Variants in BANP observed in about 807,000 individuals in gnomAD.
BANP encodes protein BANP.
In BANP, 11 loss-of-function variants were observed where a neutral mutation model predicts 68.1. The observed-to-expected ratio is 0.16, with a 90% CI of 0.10 to 0.27. The LOEUF is 0.27. Ranked by LOEUF, BANP falls within the 10% of genes least tolerant of loss-of-function variation. BANP has a pLI of 1.00. For synonymous variants in BANP, 329 were observed against 303.2 expected, an observed-to-expected ratio of 1.09 and a Z score of -0.88; for missense variants, 504 against 722.7, an observed-to-expected ratio of 0.70 and a Z score of 3.47.
intron 13 of BANP, among the ~76,000 whole-genome samples, chr16:88,076,333 C>G (rs1427314561): frequency 7.8e-6 from 1 of 127,638 alleles, no homozygotes; most frequent in Non-Finnish European, 1.7e-5. Flanking sequence ...GCCCCGGTGA[C>G]GGAGTCCATG....
intron 1 of BANP, chr16:87,966,659 G>A (rs2060071317): frequency 6.6e-6 from 1 of 152,204 alleles, no homozygotes; most frequent in Non-Finnish European, 1.5e-5. Flanking sequence ...CACTTGCAGA[G>A]CTTTTAGAAA....
rs571351370 is a variant in BANP, at chr16:88,057,886, G to A, written c.1312-7381G>A. Among the ~76,000 whole-genome samples, 31 of 152,250 alleles carry A rather than the reference G, an allele frequency of 2.0e-4. No individual in the cohort carries two copies. Among genetic ancestry groups the A allele is most frequent in the South Asian group, 1.2e-3 (6 of 4,824 alleles). ...GCAGCGAGCACTTTCCGGACAGTGC[G>A]GTGCGGGGCAGCGAGTGGCCGCCTG... On this transcript the variant is annotated intron_variant, in intron 11 of 13. Coordinates refer to ENST00000682872, the MANE Select transcript of BANP (RefSeq NM_001386991.1). This position sits in a 1 kb window ranked among gnomAD's most constrained non-coding sequence, Gnocchi z 4.6.
intron 11 of BANP, among the ~76,000 whole-genome samples, chr16:88,050,854 A>AT (rs148365287): frequency 0.096 from 14,583 of 151,830 alleles, 1,291 homozygotes; most frequent in African/African-American, 0.24. Flanking sequence ...CGACCTGCTA[A>AT]TTTTTTTATT....
At chr16:88,009,107 A>G (rs1236274171) in intron 6 of BANP, among the ~76,000 whole-genome samples, 1 of 152,210 alleles carries the variant, frequency 6.6e-6, no homozygotes, top group East Asian at 1.9e-4. Flanking sequence ...CTTATGTCAG[A>G]TTTAATCTCA....
Position 88,076,694 on chromosome 16 carries a change from GC to G in BANP, c.*34del. 1 of 1,585,996 alleles carries G rather than the reference GC, an allele frequency of 6.3e-7. No homozygotes were observed. Among genetic ancestry groups the G allele is most frequent in the Non-Finnish European group, 8.6e-7 (1 of 1,168,750 alleles). Reference sequence around the variant, plus strand: ...CCATGGCACCAGGAGCCCCTCGCCGGCTCCGCCTACGGCCCGGCCCCCACGC... The same window carrying G: ...CCATGGCACCAGGAGCCCCTCGCCGGTCCGCCTACGGCCCGGCCCCCACGC... On this transcript the variant is annotated 3_prime_UTR_variant, in exon 14 of 14. Transcript: ENST00000682872.
rs372454728 is a variant in BANP, at chr16:88,035,404, C to G, written c.1272+10C>G. 6.2e-5 allele frequency: 100 copies of G among 1,601,934 alleles called. No homozygotes were observed. Among genetic ancestry groups the G allele is most frequent in the Non-Finnish European group, 7.9e-5 (93 of 1,174,520 alleles). ...CACGCAGGACAGCGAGGTGAGTCAGCTCTCGCTGCAGCACTGTCCCTGCAG... is the reference window on the plus strand; with the variant it reads ...CACGCAGGACAGCGAGGTGAGTCAGGTCTCGCTGCAGCACTGTCCCTGCAG... On this transcript the variant is annotated intron_variant, in intron 10 of 13. Coordinates refer to ENST00000682872, the MANE Select transcript of BANP (RefSeq NM_001386991.1).
In BANP at chr16:87,984,248, C is replaced by G; in HGVS notation, c.351C>G (p.Asn117Lys). Residue 117 changes from asparagine to lysine, a missense_variant, in exon 4 of 14, where the codon AAC becomes AAG. Coordinates refer to ENST00000682872, the MANE Select transcript of BANP (RefSeq NM_001386991.1). Reference sequence around the variant, plus strand: ...CTCTCGGGGCAACCCAGACGTGCAACAAAGTGCGATGGTAAGAACAGACCA... The same window carrying G: ...CTCTCGGGGCAACCCAGACGTGCAAGAAAGTGCGATGGTAAGAACAGACCA... ...GSPLGATQTC[N>K]KVRCVVPQTT... The G allele has an allele frequency of 6.3e-7, 1 of 1,588,564 alleles. No homozygotes were observed. The highest frequency in any genetic ancestry group is 8.6e-7 in the Non-Finnish European group (1 of 1,166,230).
chr16:88,063,934 G>A (rs1399183998), intron 11 of BANP, among the ~76,000 whole-genome samples: 2 of 151,924 alleles, frequency 1.3e-5, no homozygotes, highest in Non-Finnish European at 2.9e-5. Context: ...GAAAAGTCAT[G>A]ACTTTCAAAT....
Position 88,004,374 on chromosome 16 carries a change from A to C in BANP, c.442A>C (p.Asn148His), listed in dbSNP as rs2070342519. 9 of 1,547,770 alleles carry C rather than the reference A, an allele frequency of 5.8e-6. No homozygotes were observed. The highest frequency in any genetic ancestry group is 7.9e-6 in the Non-Finnish European group (9 of 1,144,586). The change falls in exon 5 of 14, where the codon AAC (asparagine) becomes CAC (histidine). Residue 148 changes from asparagine to histidine, a missense_variant. By Grantham distance (68) the Asn-to-His change is moderately conservative. Transcript: ENST00000682872. This position sits in a 1 kb window ranked among gnomAD's most constrained non-coding sequence, Gnocchi z 7.0. ...IVAKMEDPLS[N>H]RAPDSLENVI... ...AGCCAAGATGGAAGACCCCTTGAGC[A>C]ACAGGGCACCGGATTCCCTGGAAAA... is the stretch of plus-strand genomic sequence containing the variant.
intron 11 of BANP, among the ~76,000 whole-genome samples, chr16:88,053,399 TCACCAA>T (rs1223095942): frequency 1.4e-4 from 20 of 146,718 alleles, no homozygotes; most frequent in Admixed American, 1.3e-3. Flanking sequence ...ATCATCACCA[TCACCAA>T]CACAACCACC....
chr16:88,019,758 G>A (rs1365477340), intron 7 of BANP, among the ~76,000 whole-genome samples: 1 of 151,978 alleles, frequency 6.6e-6, no homozygotes, highest in Non-Finnish European at 1.5e-5. Context: ...GTTCCAGCAG[G>A]AAAGAGCCTT....
In BANP at chr16:88,004,333, G is replaced by A. The variant is rs749540759; in HGVS notation, c.401G>A (p.Arg134Gln). ...PQTTVILNND[R>Q]QNAIVAKMED... ...ACTACAGTAATACTCAACAATGATC[G>A]GCAGAACGCCATTGTAGCCAAGATG... is the stretch of plus-strand genomic sequence containing the variant. Residue 134 changes from arginine to glutamine, a missense_variant, in exon 5 of 14, where the codon CGG becomes CAG. By Grantham distance (43) the Arg-to-Gln change is conservative. This residue lies in a region of BANP where 238 missense variants were observed against 278.9 expected (regional missense o/e 0.85). Transcript: ENST00000682872. This position sits in a 1 kb window ranked among gnomAD's most constrained non-coding sequence, Gnocchi z 7.0. 9 of 1,549,848 alleles carry A rather than the reference G, an allele frequency of 5.8e-6. No individual in the cohort carries two copies. Among genetic ancestry groups the A allele is most frequent in the South Asian group, 4.8e-5 (4 of 84,028 alleles).
At chr16:87,985,419 T>G (rs1051150908) in intron 4 of BANP, among the ~76,000 whole-genome samples, 1 of 152,254 alleles carries the variant, frequency 6.6e-6, no homozygotes, top group Admixed American at 6.5e-5. Flanking sequence ...AGCAGGAGTT[T>G]GTTTACCGTG....
intron 11 of BANP, among the ~76,000 whole-genome samples, chr16:88,042,404 G>T (rs188267234): frequency 6.6e-6 from 1 of 152,180 alleles, no homozygotes; most frequent in Non-Finnish European, 1.5e-5. Flanking sequence ...CTCCAGGAGC[G>T]CTCACTTCCT....
chr16:88,025,561 G>A (rs1294592554), intron 7 of BANP, among the ~76,000 whole-genome samples: 6 of 152,142 alleles, frequency 3.9e-5, no homozygotes, highest in South Asian at 2.1e-4. Flanking sequence ...AAATCCCACC[G>A]TCCTGACTGG....
At chr16:88,028,479 T>C (rs2077440695) in intron 8 of BANP, among the ~76,000 whole-genome samples, 1 of 152,236 alleles carries the variant, frequency 6.6e-6, no homozygotes, top group South Asian at 2.1e-4. Context: ...TTGGTAGTTA[T>C]CAGATACTCG....
chr16:88,039,114 G>A (rs2080127189), intron 11 of BANP, among the ~76,000 whole-genome samples: 1 of 152,132 alleles, frequency 6.6e-6, no homozygotes, highest in Non-Finnish European at 1.5e-5. Flanking sequence ...TTGGGAGAAG[G>A]GCTGCAGACC....
chr16:88,073,079 C>T (rs531826784), intron 13 of BANP, among the ~76,000 whole-genome samples: 8 of 152,356 alleles, frequency 5.3e-5, no homozygotes, highest in Non-Finnish European at 1.2e-4. Context: ...CCTTTCCCTG[C>T]TCCCCGGGCA....
At chr16:88,072,047 G>A (rs1461173796) in intron 12 of BANP, 22 bp from the exon 13 acceptor site, 1 of 1,554,034 alleles carries the variant, frequency 6.4e-7, no homozygotes, top group African/African-American at 1.4e-5. Flanking sequence ...CCGCTGACGG[G>A]CCCCCGTGTG....
Sources: gnomAD v4.1 joint callset for allele counts (sites outside exome capture counted in the v4.1 genomes callset) on GRCh38, gnomAD v4.1.1 for gene constraint, gnomAD v4.1.1 regional missense constraint, Gnocchi (gnomAD v3.1) non-coding constraint, MANE v1.5 for transcripts, NCBI Gene and HGNC (gene_info 2026-07-23, HGNC 2026-07-21) for gene names.